Variants in MAGI1 observed in about 807,000 individuals in gnomAD.
MAGI1 encodes the protein membrane associated guanylate kinase, WW and PDZ domain containing 1, also known as membrane-associated guanylate kinase, WW and PDZ domain-containing protein 1.
Under a neutral mutation model 139.9 loss-of-function variants are expected in MAGI1, and 58 were observed. That is an observed-to-expected ratio of 0.41 (90% CI 0.34 to 0.52). The LOEUF (loss-of-function observed/expected upper bound fraction) is 0.52, where lower values mean the gene tolerates loss of function less well. Among genes scored for constraint, MAGI1 ranks in the 20% least tolerant of loss-of-function variants. The probability of loss-of-function intolerance (pLI) is 0.12; values close to 1 mark genes in which losing one functional copy is unlikely to be tolerated. For synonymous variants in MAGI1, 812 were observed against 737.9 expected, an observed-to-expected ratio of 1.10 and a Z score of -1.63; for missense variants, 1,874 against 1,901.6, an observed-to-expected ratio of 0.99 and a Z score of 0.27.
At chr3:65,541,128 G>A (rs1576253185) in intron 2 of MAGI1, among the ~76,000 whole-genome samples, 1 of 152,102 alleles carries the variant, frequency 6.6e-6, no homozygotes, top group South Asian at 2.1e-4. Context: ...TACCATCAGA[G>A]AACACTATAA....
intron 1 of MAGI1, among the ~76,000 whole-genome samples, chr3:66,006,420 C>T (rs537962039): frequency 6.6e-6 from 1 of 152,206 alleles, no homozygotes; most frequent in African/African-American, 2.4e-5. Context: ...TCACTTGTGA[C>T]ACATATATAC....
At chr3:65,906,928 C>CAA (rs530195578) in intron 1 of MAGI1, among the ~76,000 whole-genome samples, 1 of 138,882 alleles carries the variant, frequency 7.2e-6, no homozygotes, top group African/African-American at 2.6e-5. Flanking sequence ...TAAATTTTGG[C>CAA]AAAAAAAAAA....
intron 1 of MAGI1, among the ~76,000 whole-genome samples, chr3:65,919,744 C>G (rs1452058452): frequency 6.6e-6 from 1 of 151,896 alleles, no homozygotes; most frequent in African/African-American, 2.4e-5. Flanking sequence ...AACGTTCCCC[C>G]ATTCGAGGCT....
At chr3:65,571,205 G>T (rs1421859010) in intron 2 of MAGI1, among the ~76,000 whole-genome samples, 1 of 152,040 alleles carries the variant, frequency 6.6e-6, no homozygotes, top group Non-Finnish European at 1.5e-5. Flanking sequence ...TTTAAAAATT[G>T]CAGTGAATGA....
chr3:65,383,399 C>A, intron 15 of MAGI1, 133 bp downstream of exon 15: 1 of 667,058 alleles, frequency 1.5e-6, no homozygotes, highest in Non-Finnish European at 2.7e-6. Context: ...CAATGAGAAA[C>A]CCACACTACT....
intron 2 of MAGI1, among the ~76,000 whole-genome samples, chr3:65,502,279 G>A (rs2077111496): frequency 1.3e-5 from 2 of 152,216 alleles, no homozygotes; most frequent in East Asian, 3.8e-4. Context: ...TGTTTTATCT[G>A]TAGCCTAAGG....
chr3:65,562,511 C>A (rs2080407820), intron 2 of MAGI1, among the ~76,000 whole-genome samples: 1 of 152,058 alleles, frequency 6.6e-6, no homozygotes, highest in Admixed American at 6.6e-5. Context: ...TTTTTAGAGA[C>A]AAGCTCTATC....
chr3:65,437,647 C>A (rs1947945389), intron 9 of MAGI1, among the ~76,000 whole-genome samples: 1 of 152,102 alleles, frequency 6.6e-6, no homozygotes, highest in African/African-American at 2.4e-5. Flanking sequence ...AGGTAGATTT[C>A]AGCAGTTTGC....
At chr3:65,638,156 T>A (rs2084752061) in intron 1 of MAGI1, among the ~76,000 whole-genome samples, 1 of 152,160 alleles carries the variant, frequency 6.6e-6, no homozygotes, top group Admixed American at 6.5e-5. Context: ...TGGGTCTCCA[T>A]TTCCTCATCA....
chr3:65,374,057 A>G (rs1233446827), intron 18 of MAGI1, among the ~76,000 whole-genome samples: 1 of 152,006 alleles, frequency 6.6e-6, no homozygotes, highest in Non-Finnish European at 1.5e-5. Context: ...TGAAACCCTA[A>G]TTTTCTTATT....
chr3:65,529,749 T>G (rs1407878901), intron 2 of MAGI1, among the ~76,000 whole-genome samples: 1 of 152,216 alleles, frequency 6.6e-6, no homozygotes, highest in Non-Finnish European at 1.5e-5. Context: ...ATTTTACCTA[T>G]GTATACACAC....
At chr3:66,032,834 G>T (rs1316915585) in intron 1 of MAGI1, among the ~76,000 whole-genome samples, 1 of 145,332 alleles carries the variant, frequency 6.9e-6, no homozygotes, top group Non-Finnish European at 1.5e-5. Flanking sequence ...AGAATTGCTT[G>T]AACCCGGGAG....
At chr3:65,539,693 A>G (rs2079123379) in intron 2 of MAGI1, among the ~76,000 whole-genome samples, 1 of 152,164 alleles carries the variant, frequency 6.6e-6, no homozygotes, top group East Asian at 1.9e-4. Flanking sequence ...ACTCTAGCAG[A>G]CTGTGGCAAC....
chr3:65,797,257 A>T (rs879885474), intron 1 of MAGI1, among the ~76,000 whole-genome samples: 3 of 152,164 alleles, frequency 2.0e-5, no homozygotes, highest in Non-Finnish European at 2.9e-5. Flanking sequence ...GGAGGCAGGT[A>T]AACACTAGCC....
At chr3:65,970,776 G>A (rs1175692918) in intron 1 of MAGI1, among the ~76,000 whole-genome samples, 1 of 152,208 alleles carries the variant, frequency 6.6e-6, no homozygotes, top group Non-Finnish European at 1.5e-5. Flanking sequence ...CATGTTTATA[G>A]CAAGAGTCAG....
chr3:66,006,626 T>C (rs1560104119), intron 1 of MAGI1, among the ~76,000 whole-genome samples: 1 of 152,172 alleles, frequency 6.6e-6, no homozygotes, highest in Non-Finnish European at 1.5e-5. Context: ...CATCCTATGG[T>C]ACCAGAACTT....
rs1224029994 is a variant in MAGI1, at chr3:65,355,220, T to C, written c.*1158A>G. 2 of 152,216 alleles carry C rather than the reference T, an allele frequency of 1.3e-5. No homozygotes were observed. Among genetic ancestry groups the C allele is most frequent in the Admixed American group, 6.5e-5 (1 of 15,274 alleles). The allele number at this position is 152,216 out of a possible 1,614,324, so 9.4% of individuals were successfully genotyped here. A position where few individuals can be genotyped will look rare whatever the true frequency, so the allele number is the denominator to read the frequency against. On this transcript the variant is annotated 3_prime_UTR_variant, in exon 23 of 23. Transcript: ENST00000402939. ...AAAGGACAGAGTCATGAGGCAGAAG[T>C]TTCCCAACCAGACCTAGAATCACTG...
chr3:65,844,291 G>A (rs144739982), intron 1 of MAGI1: 64 of 360,190 alleles, frequency 1.8e-4, no homozygotes, highest in African/African-American at 1.1e-3. Flanking sequence ...GAGCTCACAC[G>A]GTCAGATTAA....
intron 3 of MAGI1, among the ~76,000 whole-genome samples, chr3:65,486,499 G>A (rs1951645686): frequency 6.6e-6 from 1 of 152,158 alleles, no homozygotes; most frequent in Admixed American, 6.5e-5. Context: ...AGAAAAGCAA[G>A]GGAAAAGGGA....
Sources: allele counts gnomAD v4.1 joint callset (sites outside exome capture counted in the v4.1 genomes callset), GRCh38; gene constraint gnomAD v4.1.1; transcripts MANE v1.5; gene names NCBI Gene and HGNC (gene_info 2026-07-23, HGNC 2026-07-21).